The following NTM variants were observed in gnomAD, a reference collection of about 807,000 sequenced individuals.
The protein encoded by NTM is IgLON family member 2.
NTM carries 13 observed loss-of-function variants against 42.1 expected under a neutral mutation model. The observed-to-expected ratio is 0.31, with a 90% CI of 0.20 to 0.49. NTM has a LOEUF of 0.49. Ranked by LOEUF, NTM falls within the 20% of genes least tolerant of loss-of-function variation. NTM has a pLI of 0.99. For synonymous variants in NTM, 187 were observed against 179.2 expected (o/e 1.04, Z -0.35); for missense variants, 373 against 452.8 (o/e 0.82, Z 1.60).
At chr11:131,788,166 G>A (rs1390495793) in intron 1 of NTM, among the ~76,000 whole-genome samples, 1 of 151,790 alleles carries the variant, frequency 6.6e-6, no homozygotes, top group Non-Finnish European at 1.5e-5. Flanking sequence ...CGTCATTTTA[G>A]GTCTGTTTAA....
intron 1 of NTM, among the ~76,000 whole-genome samples, chr11:131,854,651 TA>T (rs1475126344): frequency 2.0e-5 from 3 of 152,010 alleles, no homozygotes; most frequent in Non-Finnish European, 4.4e-5. Flanking sequence ...GTTCGGGAGA[TA>T]GGGGAAAAAT....
intron 2 of NTM, among the ~76,000 whole-genome samples, chr11:131,959,386 G>T (rs2061892312): frequency 6.6e-6 from 1 of 152,156 alleles, no homozygotes; most frequent in Admixed American, 6.5e-5. Context: ...CCAGCATTTT[G>T]GGAGGCCGAG....
At chr11:132,315,493 ACCCCAT>A (rs2095404938) in intron 7 of NTM, among the ~76,000 whole-genome samples, 1 of 152,102 alleles carries the variant, frequency 6.6e-6, no homozygotes, top group African/African-American at 2.4e-5. Context: ...ATTCCTTCAT[ACCCCAT>A]CAAGTTCTTT....
chr11:131,949,393 G>A (rs1446625963), intron 2 of NTM, among the ~76,000 whole-genome samples: 1 of 152,180 alleles, frequency 6.6e-6, no homozygotes, highest in Admixed American at 6.5e-5. Flanking sequence ...TCATAAAGGT[G>A]GAAGCTTTGT....
intron 2 of NTM, among the ~76,000 whole-genome samples, chr11:132,046,785 G>A: frequency 6.6e-6 from 1 of 152,158 alleles, no homozygotes; most frequent in East Asian, 1.9e-4. Flanking sequence ...TCACAGCTGA[G>A]CACTGGCTTT....
intron 1 of NTM, among the ~76,000 whole-genome samples, chr11:131,642,054 C>T (rs935243849): frequency 1.1e-4 from 17 of 152,134 alleles, no homozygotes; most frequent in African/African-American, 4.1e-4. Flanking sequence ...GACATCCAAT[C>T]TTTAAAATGA....
chr11:131,430,474 T>A (rs35659386), intron 1 of NTM, among the ~76,000 whole-genome samples: 22,853 of 151,946 alleles, frequency 0.15, 1,882 homozygotes, highest in Middle Eastern at 0.29. Context: ...AGGTTCCAAG[T>A]CCATTAATAG....
chr11:132,180,372 AG>A lies in NTM; in HGVS notation c.401-31648del, dbSNP rs200063175. ...CTAAACAGTGATGGATTATTATTAA[AG>A]GCAGAGATTAGCCAAGAAGTAAAGC... On this transcript the variant is annotated intron_variant, in intron 3 of 8. Transcript: ENST00000683400. Among the ~76,000 whole-genome samples, 356 of 152,280 alleles carry A rather than the reference AG, an allele frequency of 2.3e-3. 2 individuals are homozygous for A. The highest frequency in any genetic ancestry group is 8.2e-3 in the African/African-American group (342 of 41,568).
chr11:131,384,020 A>G (rs1297177768), intron 1 of NTM, among the ~76,000 whole-genome samples: 11 of 152,154 alleles, frequency 7.2e-5, no homozygotes, highest in African/African-American at 2.7e-4. Context: ...GTAATAAAGA[A>G]AGTGTAAGAG....
intron 2 of NTM, among the ~76,000 whole-genome samples, chr11:132,136,411 C>G (rs1176152100): frequency 1.3e-5 from 2 of 152,182 alleles, no homozygotes; most frequent in African/African-American, 4.8e-5. Context: ...CCCAGGTGTC[C>G]CCTTTGTCCC....
chr11:131,456,931 A>C (rs1210373344), intron 1 of NTM, among the ~76,000 whole-genome samples: 1 of 152,188 alleles, frequency 6.6e-6, no homozygotes, highest in African/African-American at 2.4e-5. Context: ...CAGTTCACGC[A>C]ACACCATGTG....
chr11:131,841,992 C>T (rs1422672120), intron 1 of NTM, among the ~76,000 whole-genome samples: 2 of 152,218 alleles, frequency 1.3e-5, no homozygotes, highest in East Asian at 3.9e-4. Context: ...TGTTTCCCCA[C>T]TACTGTCAAA....
chr11:132,286,775 T>A (rs2094253199), intron 4 of NTM, among the ~76,000 whole-genome samples: 1 of 152,194 alleles, frequency 6.6e-6, no homozygotes. Context: ...TGAATCCACC[T>A]GACCACCATG....
At chr11:132,082,069 A>G (rs2059142216) in intron 2 of NTM, among the ~76,000 whole-genome samples, 1 of 151,612 alleles carries the variant, frequency 6.6e-6, no homozygotes. Flanking sequence ...GATAAAAAAA[A>G]AAACCCTTCA....
chr11:131,789,793 A>AAAAATACAAAAAATTAGCC (rs2090602928), intron 1 of NTM, among the ~76,000 whole-genome samples: 1 of 92,856 alleles, frequency 1.1e-5, no homozygotes, highest in Non-Finnish European at 2.5e-5. Context: ...CGTCTCTACT[A>AAAAATACAAAAAATTAGCC]AAAATACAAA....
At chr11:131,874,919 T>C (rs1565660911) in intron 1 of NTM, among the ~76,000 whole-genome samples, 3 of 152,290 alleles carry the variant, frequency 2.0e-5, no homozygotes, top group East Asian at 3.9e-4. Flanking sequence ...AGTTTTTCTA[T>C]TAACTAACTA....
At chr11:132,330,869 C>G (rs2095790106) in intron 8 of NTM, among the ~76,000 whole-genome samples, 1 of 152,154 alleles carries the variant, frequency 6.6e-6, no homozygotes, top group East Asian at 1.9e-4. Context: ...ATCTGCGTGG[C>G]CCATGTCACT....
chr11:131,630,644 A>G (rs1191429282), intron 1 of NTM, among the ~76,000 whole-genome samples: 1 of 152,240 alleles, frequency 6.6e-6, no homozygotes, highest in African/African-American at 2.4e-5. Context: ...AGACTCTTTT[A>G]GAAGATCAAA....
At chr11:131,713,833 A>G (rs983014073) in intron 1 of NTM, among the ~76,000 whole-genome samples, 3 of 152,208 alleles carry the variant, frequency 2.0e-5, no homozygotes, top group East Asian at 1.9e-4. Flanking sequence ...AAAGTTTATT[A>G]AAAAGTTTTA....
Sources: allele counts gnomAD v4.1 joint callset (sites outside exome capture counted in the v4.1 genomes callset), GRCh38; gene constraint gnomAD v4.1.1; transcripts MANE v1.5; gene names NCBI Gene and HGNC (gene_info 2026-07-23, HGNC 2026-07-21).